The following POPDC1 variants were observed in gnomAD, a reference collection of about 807,000 sequenced individuals.
POPDC1 encodes popeye domain cAMP effector 1, also known as popeye domain-containing protein 1.
At chr6:105,132,579 G>C in the POPDC1 span, among the ~76,000 whole-genome samples, 7 of 152,152 alleles carry the variant, frequency 4.6e-5, no homozygotes, top group Non-Finnish European at 8.8e-5. Flanking sequence ...GGATGAAGAC[G>C]GCCTTCCTCA....
chr6:105,136,601 T>C, the POPDC1 span: 8 of 152,352 alleles, frequency 5.3e-5, no homozygotes, highest in African/African-American at 1.9e-4. Flanking sequence ...ACCAAGGGGC[T>C]TGCCGCCGCA....
chr6:105,114,774 G>C, the POPDC1 span, among the ~76,000 whole-genome samples: 1 of 152,140 alleles, frequency 6.6e-6, no homozygotes, highest in Non-Finnish European at 1.5e-5. Context: ...CTAAACTATG[G>C]AAGAATACCG....
chr6:105,101,990 A>G, the POPDC1 span, among the ~76,000 whole-genome samples: 1 of 152,216 alleles, frequency 6.6e-6, no homozygotes, highest in Non-Finnish European at 1.5e-5. Context: ...GTCATTATCA[A>G]AAGGCCTCTC....
the POPDC1 span, among the ~76,000 whole-genome samples, chr6:105,118,630 G>A: frequency 3.3e-5 from 5 of 152,290 alleles, no homozygotes; most frequent in Middle Eastern, 3.4e-3. Context: ...AATTTCAGGT[G>A]GCAGTAAGTG....
chr6:105,135,532 T>G, the POPDC1 span, among the ~76,000 whole-genome samples: 1 of 152,176 alleles, frequency 6.6e-6, no homozygotes, highest in East Asian at 1.9e-4. Context: ...TATTGCCTAT[T>G]AATCCACTAT....
At chr6:105,126,011 G>A in the POPDC1 span, among the ~76,000 whole-genome samples, 2 of 152,094 alleles carry the variant, frequency 1.3e-5, no homozygotes, top group Admixed American at 1.3e-4. Flanking sequence ...ATCTTCTGAG[G>A]TCAGGAGTTC....
chr6:105,133,371 A>G, the POPDC1 span: 1 of 1,612,962 alleles, frequency 6.2e-7, no homozygotes, highest in Admixed American at 1.7e-5. Context: ...ACATTCCCCT[A>G]AGAAATATCA....
At chr6:105,104,034 G>A in the POPDC1 span, among the ~76,000 whole-genome samples, 1 of 152,108 alleles carries the variant, frequency 6.6e-6, no homozygotes, top group Non-Finnish European at 1.5e-5. Context: ...AATCCTTAGG[G>A]TGACATCCAG....
At chr6:105,125,524 G>A in the POPDC1 span, 24 of 1,613,952 alleles carry the variant, frequency 1.5e-5, no homozygotes, top group African/African-American at 2.7e-5. Context: ...GGAGGCACAC[G>A]GAGTGGTTCA....
chr6:105,129,782 G>A, the POPDC1 span, among the ~76,000 whole-genome samples: 5 of 152,136 alleles, frequency 3.3e-5, no homozygotes, highest in Non-Finnish European at 5.9e-5. Flanking sequence ...ATCTCAGGCA[G>A]GATATAGCAA....
At chr6:105,101,128 C>T in the POPDC1 span, 70 of 1,613,484 alleles carry the variant, frequency 4.3e-5, 1 homozygote, top group Middle Eastern at 9.9e-4. Flanking sequence ...TTGGAGATGC[C>T]GGTTCAAAAA....
At chr6:105,114,754 T>C in the POPDC1 span, among the ~76,000 whole-genome samples, 3 of 152,254 alleles carry the variant, frequency 2.0e-5, no homozygotes, top group Non-Finnish European at 4.4e-5. Flanking sequence ...TTAAAATGTT[T>C]TGAAACAATC....
the POPDC1 span, chr6:105,129,453 T>C: frequency 1.2e-6 from 2 of 1,612,992 alleles, no homozygotes; most frequent in Non-Finnish European, 1.7e-6. Context: ...CAGATCATTA[T>C]ATCCAAGGCA....
At chr6:105,107,473 G>A in the POPDC1 span, among the ~76,000 whole-genome samples, 2 of 152,252 alleles carry the variant, frequency 1.3e-5, no homozygotes, top group Non-Finnish European at 2.9e-5. Flanking sequence ...GGTCATGCCT[G>A]TTCCAGAGGA....
chr6:105,115,681 C>T, the POPDC1 span: 4 of 1,613,922 alleles, frequency 2.5e-6, no homozygotes, highest in Non-Finnish European at 3.4e-6. Flanking sequence ...TTTGGGATAA[C>T]TTACGAAGAG....
chr6:105,127,218 A>C, the POPDC1 span, among the ~76,000 whole-genome samples: 1 of 152,180 alleles, frequency 6.6e-6, no homozygotes, highest in Non-Finnish European at 1.5e-5. Context: ...TATTTTTCAA[A>C]AAAGTAGATT....
the POPDC1 span, chr6:105,100,572 ATG>A: frequency 7.7e-6 from 1 of 130,006 alleles, no homozygotes; most frequent in African/African-American, 2.9e-5. Flanking sequence ...ATATATATGT[ATG>A]TATGTATGTG....
chr6:105,101,033 T>G, the POPDC1 span: 153 of 1,532,456 alleles, frequency 1.0e-4, no homozygotes, highest in African/African-American at 2.0e-3. Flanking sequence ...GTGCTGGTAT[T>G]TTTCAGGATC....
At chr6:105,100,018 T>C in the POPDC1 span, 1 of 152,284 alleles carries the variant, frequency 6.6e-6, no homozygotes, top group East Asian at 1.9e-4. Context: ...CTGTTATCTT[T>C]CCAGCTTCAG....
Sources: allele counts gnomAD v4.1 joint callset (sites outside exome capture counted in the v4.1 genomes callset), GRCh38; gene constraint gnomAD v4.1.1; transcripts MANE v1.5; gene names NCBI Gene and HGNC (gene_info 2026-07-23, HGNC 2026-07-21).